Variants in COG5 observed in about 807,000 individuals in gnomAD.
COG5 encodes the protein component of oligomeric golgi complex 5.
COG5 carries 86 observed loss-of-function variants against 110.4 expected under a neutral mutation model. The ratio of observed to expected loss-of-function variants is 0.78; its 90% CI spans 0.65 to 0.93. The LOEUF (loss-of-function observed/expected upper bound fraction) is 0.93, where lower values mean the gene tolerates loss of function less well. Ranked by LOEUF, COG5 falls within the 40% of genes least tolerant of loss-of-function variation. The pLI, the probability that COG5 is intolerant of heterozygous loss-of-function variation, is 0.00. For missense variants in COG5, 1,077 were observed against 987.0 expected, an observed-to-expected ratio of 1.09 and a Z score of -1.22; for synonymous variants, 360 against 334.6, an observed-to-expected ratio of 1.08 and a Z score of -0.83.
intron 10 of COG5, among the ~76,000 whole-genome samples, chr7:107,326,960 G>A (rs1584682219): frequency 6.6e-6 from 1 of 152,098 alleles, no homozygotes. Flanking sequence ...AGAATTGCTT[G>A]AGCCTAGGTG....
chr7:107,486,676 TAGAC>T (rs1323140096), intron 6 of COG5, among the ~76,000 whole-genome samples: 1 of 151,648 alleles, frequency 6.6e-6, no homozygotes, highest in Non-Finnish European at 1.5e-5. Flanking sequence ...AAAAGGAAAA[TAGAC>T]AAACAACTGA....
At chr7:107,410,498 G>A (rs1480378661) in intron 7 of COG5, among the ~76,000 whole-genome samples, 1 of 152,026 alleles carries the variant, frequency 6.6e-6, no homozygotes, top group Non-Finnish European at 1.5e-5. Flanking sequence ...GCTGGAGTGT[G>A]ATGGCAGGAT....
chr7:107,264,555 G>A (rs111317490), intron 14 of COG5, among the ~76,000 whole-genome samples: 6,651 of 152,028 alleles, frequency 0.044, 204 homozygotes, highest in Middle Eastern at 0.095. Context: ...AGCCAGGTGT[G>A]GTGGTACGCG....
intron 6 of COG5, among the ~76,000 whole-genome samples, chr7:107,414,277 C>A (rs568997757): frequency 6.6e-6 from 1 of 152,228 alleles, no homozygotes; most frequent in Non-Finnish European, 1.5e-5. Context: ...GAGTGCACAG[C>A]CAGAATTAAC....
At position 107,474,871 on chromosome 7, in the gene COG5, A is replaced by G; in HGVS notation, c.538+52366T>C. The G allele has an allele frequency of 6.2e-7, 1 of 1,613,290 alleles. No individual in the cohort carries two copies. Among genetic ancestry groups the G allele is most frequent in the Non-Finnish European group, 8.5e-7 (1 of 1,179,540 alleles). ...AACCACACAACATGAGGCTACAGAC[A>G]TGTCACAAAGCAGTGGTGGGAGAAA... On this transcript the variant is annotated intron_variant, in intron 6 of 21. Transcript: ENST00000297135. The surrounding 1 kb of genome is among the most constrained non-coding windows in gnomAD (Gnocchi z 5.7).
intron 6 of COG5, among the ~76,000 whole-genome samples, chr7:107,465,218 A>G (rs868293687): frequency 2.0e-5 from 3 of 152,184 alleles, no homozygotes; most frequent in African/African-American, 7.2e-5. Flanking sequence ...TATAGAAAAT[A>G]CCATGGAATT....
At chr7:107,328,843 C>CGGG (rs1358973130) in intron 10 of COG5, among the ~76,000 whole-genome samples, 1 of 152,028 alleles carries the variant, frequency 6.6e-6, no homozygotes, top group Non-Finnish European at 1.5e-5. Flanking sequence ...TATTTTAAGA[C>CGGG]GGAGTCTCGC....
chr7:107,239,844 T>C (rs1355204009), intron 17 of COG5, among the ~76,000 whole-genome samples: 1 of 152,208 alleles, frequency 6.6e-6, no homozygotes, highest in Non-Finnish European at 1.5e-5. Flanking sequence ...GAAAAGATAC[T>C]TGATTTCAGC....
chr7:107,410,108 A>G (rs1296838413), intron 7 of COG5, among the ~76,000 whole-genome samples: 2 of 152,172 alleles, frequency 1.3e-5, no homozygotes, highest in East Asian at 3.9e-4. Flanking sequence ...CACAGATGGC[A>G]TTTTGCTGTG....
intron 6 of COG5, among the ~76,000 whole-genome samples, chr7:107,468,575 G>A (rs1796442865): frequency 6.6e-6 from 1 of 152,072 alleles, no homozygotes; most frequent in African/African-American, 2.4e-5. Context: ...ACCCAAAGCT[G>A]TGCAGAAGAT....
chr7:107,222,953 T>C (rs1800053106), intron 19 of COG5, among the ~76,000 whole-genome samples: 1 of 152,166 alleles, frequency 6.6e-6, no homozygotes, highest in Admixed American at 6.5e-5. Flanking sequence ...GCTATGCAGC[T>C]GTCAGTCTTC....
In COG5 at chr7:107,419,893, G is replaced by A. The variant is rs1178475081; in HGVS notation, c.539-7261C>T. On this transcript the variant is annotated intron_variant, in intron 6 of 21. Transcript: ENST00000297135. ...AAGAGTTTATAGTTTTAAATGGGAAGATAACCAAAGCCTATTAAATAACAC... is the reference window on the plus strand; with the variant it reads ...AAGAGTTTATAGTTTTAAATGGGAAAATAACCAAAGCCTATTAAATAACAC... Among the ~76,000 whole-genome samples, 3 of 152,064 alleles carry A rather than the reference G, an allele frequency of 2.0e-5. No individual in the cohort carries two copies. The East Asian group carries it at 5.8e-4, about 29-fold the overall frequency.
intron 18 of COG5, among the ~76,000 whole-genome samples, chr7:107,235,790 G>A (rs566017278): frequency 6.6e-6 from 1 of 152,148 alleles, no homozygotes; most frequent in East Asian, 1.9e-4. Flanking sequence ...CATGTTTGGG[G>A]TTTTTCTTCA....
At chr7:107,360,074 C>T (rs1812971203) in intron 10 of COG5, among the ~76,000 whole-genome samples, 1 of 151,912 alleles carries the variant, frequency 6.6e-6, no homozygotes. Context: ...TATAAGCTAA[C>T]CACTCTAGGT....
chr7:107,353,338 T>C (rs964240014), intron 10 of COG5, among the ~76,000 whole-genome samples: 2 of 141,582 alleles, frequency 1.4e-5, no homozygotes, highest in Non-Finnish European at 3.0e-5. Flanking sequence ...GGCAGGAGAA[T>C]GGCGTGAACC....
chr7:107,242,301 G>A (rs1345329755), intron 17 of COG5, among the ~76,000 whole-genome samples: 2 of 152,166 alleles, frequency 1.3e-5, no homozygotes, highest in Non-Finnish European at 2.9e-5. Context: ...CAGAGCCAGG[G>A]GAACCCCCAC....
intron 14 of COG5, among the ~76,000 whole-genome samples, chr7:107,263,086 C>T (rs1475533709): frequency 6.6e-6 from 1 of 152,142 alleles, no homozygotes; most frequent in South Asian, 2.1e-4. Context: ...GAGAACAAAA[C>T]GCTAGTGAAG....
intron 10 of COG5, among the ~76,000 whole-genome samples, chr7:107,339,671 T>A (rs890229558): frequency 2.0e-5 from 3 of 152,014 alleles, no homozygotes; most frequent in Non-Finnish European, 4.4e-5. Flanking sequence ...CCCATCATAA[T>A]CTTGGACCAC....
intron 17 of COG5, among the ~76,000 whole-genome samples, chr7:107,248,170 C>T (rs1028594690): frequency 4.6e-5 from 7 of 151,660 alleles, no homozygotes; most frequent in African/African-American, 1.7e-4. Context: ...TGATACTGTT[C>T]ATAAAGAAAA....
Sources: allele counts gnomAD v4.1 joint callset (sites outside exome capture counted in the v4.1 genomes callset), GRCh38; gene constraint gnomAD v4.1.1; non-coding constraint Gnocchi (gnomAD v3.1); transcripts MANE v1.5; gene names NCBI Gene and HGNC (gene_info 2026-07-23, HGNC 2026-07-21).